Variants in ODF2L observed in about 807,000 individuals in gnomAD.
ODF2L encodes the protein protein BCAP.
A neutral mutation model predicts 86.3 loss-of-function variants in ODF2L; 76 were observed. The observed-to-expected ratio is 0.88, with a 90% CI of 0.73 to 1.07. The LOEUF (loss-of-function observed/expected upper bound fraction) is 1.07. ODF2L is among the 50% of genes least tolerant of loss of function. The probability of loss-of-function intolerance (pLI) is 0.00; values close to 1 mark genes in which losing one functional copy is unlikely to be tolerated. For synonymous variants in ODF2L, 241 were observed against 231.3 expected (o/e 1.04, Z -0.38); for missense variants, 748 against 717.4 (o/e 1.04, Z -0.49).
chr1:86,350,808 T>A (rs1658078821), exon 18 of ODF2L: 2 of 152,220 alleles, frequency 1.3e-5, no homozygotes, highest in South Asian at 4.1e-4. Context: ...TGGTGTGACA[T>A]GGTATCTCAC....
intron 1 of ODF2L, among the ~76,000 whole-genome samples, chr1:86,393,932 G>A (rs916033381): frequency 6.6e-6 from 1 of 152,098 alleles, no homozygotes; most frequent in Non-Finnish European, 1.5e-5. Flanking sequence ...TCCATATAGA[G>A]CCCAATTACC....
Position 86,355,403 on chromosome 1 carries a change from A to C in ODF2L, c.1519-544T>G, listed in dbSNP as rs1366422270. ...CAAAATCTGCTCTAAATAATGTAAGAAGCTTTGATTCAAGGAAAAAATTTT... is the reference window on the plus strand; with the variant it reads ...CAAAATCTGCTCTAAATAATGTAAGCAGCTTTGATTCAAGGAAAAAATTTT... On this transcript the variant is annotated intron_variant, in intron 14 of 17. Transcript: ENST00000317336. 2.7e-6 allele frequency: 4 copies of C among 1,494,734 alleles called. No homozygotes were observed. The Admixed American group carries it at 6.0e-5, about 22-fold the overall frequency. The allele number at this position is 1,494,734 out of a possible 1,614,324, so 92.6% of individuals were successfully genotyped here. A position where few individuals can be genotyped will look rare whatever the true frequency, so the allele number is the denominator to read the frequency against.
chr1:86,384,604 A>G, intron 4 of ODF2L, 72 bp downstream of exon 4: 2 of 973,392 alleles, frequency 2.1e-6, no homozygotes, highest in Non-Finnish European at 2.8e-6. Context: ...TAATTTCTAC[A>G]GTTTAAAAAT....
At chr1:86,355,781 GTA>G (rs1491159052) in intron 14 of ODF2L, among the ~76,000 whole-genome samples, 2 of 136,020 alleles carry the variant, frequency 1.5e-5, no homozygotes, top group Non-Finnish European at 3.3e-5. Context: ...AGAAAATGCA[GTA>G]TTTTTTTTTG....
intron 11 of ODF2L, among the ~76,000 whole-genome samples, chr1:86,367,690 A>C (rs1012627020): frequency 6.6e-6 from 1 of 152,210 alleles, no homozygotes; most frequent in Non-Finnish European, 1.5e-5. Flanking sequence ...TAAACATATT[A>C]CTTGACTGTG....
intron 13 of ODF2L, among the ~76,000 whole-genome samples, chr1:86,357,429 A>T (rs896652597): frequency 6.6e-6 from 1 of 151,890 alleles, no homozygotes; most frequent in Admixed American, 6.6e-5. Context: ...CTGTCTTGAA[A>T]GTAAAAGAAA....
chr1:86,353,651 T>C (rs561185915), intron 16 of ODF2L, among the ~76,000 whole-genome samples: 5 of 152,154 alleles, frequency 3.3e-5, no homozygotes, highest in Non-Finnish European at 7.4e-5. Context: ...AAGGAGCTAG[T>C]GGAAAGGACT....
intron 1 of ODF2L, among the ~76,000 whole-genome samples, chr1:86,388,701 T>C (rs1390337639): frequency 1.3e-5 from 2 of 152,136 alleles, no homozygotes; most frequent in African/African-American, 4.8e-5. Flanking sequence ...GTAGAAAATA[T>C]TTTACAAGAT....
chr1:86,375,500 A>C (rs1049387377), intron 8 of ODF2L, among the ~76,000 whole-genome samples: 1 of 152,154 alleles, frequency 6.6e-6, no homozygotes, highest in Non-Finnish European at 1.5e-5. Flanking sequence ...TATAAGCCTT[A>C]ACATAAGTTC....
intron 14 of ODF2L, among the ~76,000 whole-genome samples, chr1:86,356,194 G>T (rs528291050): frequency 1.7e-4 from 26 of 150,824 alleles, no homozygotes; most frequent in African/African-American, 6.1e-4. Context: ...CTATTACCAT[G>T]TCTTCAAATG....
At chr1:86,392,282 T>G (rs758375551) in intron 1 of ODF2L, among the ~76,000 whole-genome samples, 5 of 152,156 alleles carry the variant, frequency 3.3e-5, no homozygotes, top group African/African-American at 1.2e-4. Context: ...TGGAGATTCC[T>G]TAAAGAACTA....
chr1:86,368,621 T>A (rs765264996), intron 11 of ODF2L: 2 of 1,394,292 alleles, frequency 1.4e-6, no homozygotes, highest in South Asian at 1.7e-5. Flanking sequence ...AATGGCAGTA[T>A]GAGTAATAAA....
chr1:86,382,976 CT>C lies in ODF2L; in HGVS notation c.461del (p.Lys154ArgfsTer20). 2.6e-6 allele frequency: 4 copies of C among 1,560,608 alleles called. No homozygotes were observed. Among genetic ancestry groups the C allele is most frequent in the Non-Finnish European group, 3.5e-6 (4 of 1,132,718 alleles). ...AAGAAAGTTCTTGGATATGGGCCTCCTTTTCAAATACCTTCTTCTTAAGATT... is the reference window on the plus strand; with the variant it reads ...AAGAAAGTTCTTGGATATGGGCCTCCTTTCAAATACCTTCTTCTTAAGATT... On this transcript the variant is annotated frameshift_variant, in exon 6 of 18. Transcript: ENST00000317336. LOFTEE classifies it high-confidence loss of function.
At chr1:86,392,920 TCTACTGCCAAGAGGACATGTA>T in intron 1 of ODF2L, among the ~76,000 whole-genome samples, 1 of 152,314 alleles carries the variant, frequency 6.6e-6, no homozygotes, top group South Asian at 2.1e-4. Context: ...ATTTTGCCAG[TCTACTGCCAAGAGGACATGTA>T]CTTAAAGCTT....
chr1:86,387,058 C>T, exon 2 of ODF2L: 1 of 1,029,100 alleles, frequency 9.7e-7, no homozygotes. Context: ...TAGGTGGCTT[C>T]ACAGCGACTT....
chr1:86,371,168 T>C lies in ODF2L; in HGVS notation c.921-15A>G. The stretch of plus-strand genomic sequence containing the variant: ...TAATGATTTGCCTTTATAAAATCAA[T>C]GACACATTTTATAAAAGTCATAAAA... On this transcript the variant is annotated splice_polypyrimidine_tract_variant and intron_variant, in intron 9 of 17. Coordinates refer to ENST00000317336, the Ensembl canonical transcript of ODF2L. The C allele has an allele frequency of 7.5e-7, 1 of 1,342,132 alleles. No individual in the cohort carries two copies. Among genetic ancestry groups the C allele is most frequent in the Non-Finnish European group, 1.0e-6 (1 of 995,512 alleles). 83.1% of individuals were successfully genotyped at this position (1,342,132 alleles called of 1,614,324 possible). A position where few individuals can be genotyped will look rare whatever the true frequency, so the allele number is the denominator to read the frequency against.
intron 16 of ODF2L, among the ~76,000 whole-genome samples, chr1:86,353,485 T>A (rs1658302183): frequency 6.6e-6 from 1 of 152,122 alleles, no homozygotes. Flanking sequence ...GAATTTGAAT[T>A]TTCATATTTC....
intron 11 of ODF2L, among the ~76,000 whole-genome samples, chr1:86,365,391 C>A (rs1016342301): frequency 6.6e-6 from 1 of 152,106 alleles, no homozygotes; most frequent in African/African-American, 2.4e-5. Flanking sequence ...ATAAAACAAT[C>A]CCTGGCCCTG....
chr1:86,384,966 ATACAG>A (rs1325576812), intron 3 of ODF2L, among the ~76,000 whole-genome samples, 165 bp from the exon 4 acceptor site: 2 of 151,954 alleles, frequency 1.3e-5, no homozygotes, highest in African/African-American at 4.8e-5. Flanking sequence ...TGGATCTGTT[ATACAG>A]TACATTAAAA....
Sources: allele counts gnomAD v4.1 joint callset (sites outside exome capture counted in the v4.1 genomes callset), GRCh38; gene constraint gnomAD v4.1.1; transcripts MANE v1.5; gene names NCBI Gene and HGNC (gene_info 2026-07-23, HGNC 2026-07-21).